Variants in LIFR observed in about 807,000 individuals in gnomAD.
The protein encoded by LIFR is leukemia inhibitory factor receptor.
Under a neutral mutation model 122.2 loss-of-function variants are expected in LIFR, and 84 were observed. The observed-to-expected ratio is 0.69, with a 90% CI of 0.58 to 0.82. LIFR has a LOEUF of 0.82. Ranked by LOEUF, LIFR falls within the 40% of genes least tolerant of loss-of-function variation. The pLI is 0.00. For synonymous variants in LIFR, 422 were observed against 434.7 expected (o/e 0.97, Z 0.36); for missense variants, 1,294 against 1,311.6 (o/e 0.99, Z 0.21).
At chr5:38,510,375 T>C (rs1293439888) in intron 7 of LIFR, 89 bp downstream of exon 7, 2 of 1,178,384 alleles carry the variant, frequency 1.7e-6, no homozygotes, top group African/African-American at 1.7e-5. Flanking sequence ...GAATCACTCC[T>C]CCCACCCCCC....
At chr5:38,589,411 A>C (rs1356286425) in intron 1 of LIFR, among the ~76,000 whole-genome samples, 1 of 152,182 alleles carries the variant, frequency 6.6e-6, no homozygotes, top group Non-Finnish European at 1.5e-5. Flanking sequence ...ATGTTCCTTA[A>C]CTATTAAAAA....
intron 12 of LIFR, among the ~76,000 whole-genome samples, chr5:38,497,688 A>T (rs1394007957): frequency 6.6e-6 from 1 of 152,098 alleles, no homozygotes; most frequent in Non-Finnish European, 1.5e-5. Flanking sequence ...TATTTCTTTC[A>T]AGTTGTTTTT....
At position 38,528,826 on chromosome 5, in the gene LIFR, A is replaced by T. The variant is rs754058233; in HGVS notation, c.157T>A (p.Leu53Met). 2 of 1,558,086 alleles carry T rather than the reference A, an allele frequency of 1.3e-6. No individual in the cohort carries two copies. Among genetic ancestry groups the T allele is most frequent in the Non-Finnish European group, 1.7e-6 (2 of 1,146,694 alleles). The change falls in exon 3 of 20, where the codon TTG becomes ATG. Residue 53 changes from leucine to methionine, a missense_variant. Physicochemically the swap from Leu to Met is conservative, Grantham distance 15 (BLOSUM62 2). Transcript: ENST00000453190. ...TGCAAATTGTTAGTTACACACTTCAAATCATGAGGAGCCCCTGGAGGAGAC... is the reference window on the plus strand; with the variant it reads ...TGCAAATTGTTAGTTACACACTTCATATCATGAGGAGCCCCTGGAGGAGAC... The part of the protein sequence containing the change: ...NSQKKGAPHD[L>M]KCVTNNLQVW...
At chr5:38,603,147 G>A (rs1750255543) in intron 2 of LIFR, among the ~76,000 whole-genome samples, 1 of 152,192 alleles carries the variant, frequency 6.6e-6, no homozygotes, top group Admixed American at 6.5e-5. Flanking sequence ...CACTGCACTT[G>A]TTCTCCAAGG....
chr5:38,516,817 T>G (rs1746108043), intron 5 of LIFR, among the ~76,000 whole-genome samples: 1 of 152,008 alleles, frequency 6.6e-6, no homozygotes, highest in African/African-American at 2.4e-5. Context: ...CAAACACCCA[T>G]CAATGATAGA....
At chr5:38,488,101 T>C (rs1580007307) in intron 16 of LIFR, among the ~76,000 whole-genome samples, 2 of 152,248 alleles carry the variant, frequency 1.3e-5, no homozygotes, top group Non-Finnish European at 1.5e-5. Context: ...GAAATCCAGA[T>C]GCTAGAATTT....
intron 1 of LIFR, among the ~76,000 whole-genome samples, chr5:38,570,994 C>A (rs1749191269): frequency 6.6e-6 from 1 of 152,274 alleles, no homozygotes; most frequent in Admixed American, 6.5e-5. Context: ...ATGTACGAAG[C>A]ACTGAACTAA....
At chr5:38,539,898 T>C (rs973654260) in intron 1 of LIFR, among the ~76,000 whole-genome samples, 4 of 152,186 alleles carry the variant, frequency 2.6e-5, no homozygotes, top group Non-Finnish European at 5.9e-5. Context: ...CAATGAAAAA[T>C]TGGATTTAAT....
chr5:38,482,712 T>C (rs779586741), intron 18 of LIFR, 45 bp from the exon 19 acceptor site: 25 of 784,318 alleles, frequency 3.2e-5, no homozygotes, highest in Non-Finnish European at 4.7e-5. Context: ...GTTTTAAGAT[T>C]ATTAGATAAT....
In LIFR at chr5:38,510,496, T is replaced by C. The variant is rs1745738583; in HGVS notation, c.959A>G (p.Asp320Gly). The C allele has an allele frequency of 1.9e-6, 3 of 1,613,744 alleles. No individual in the cohort carries two copies. The highest frequency in any genetic ancestry group is 2.2e-5 in the East Asian group (1 of 44,852). Reference sequence around the variant, plus strand: ...AAAAATAACGGTTCCAAATATGTTATCTTCGGTTGTAAAAACTACATTTGT... The same window carrying C: ...AAAAATAACGGTTCCAAATATGTTACCTTCGGTTGTAAAAACTACATTTGT... ...SGTNVVFTTE[D>G]NIFGTVIFAG... is the part of the protein sequence containing the mutation. The change falls in exon 7 of 20, where the codon GAT (aspartate) becomes GGT (glycine). Residue 320 changes from aspartate (D) to glycine (G), a missense_variant. By Grantham distance (94) the Asp-to-Gly change is moderately conservative (BLOSUM62 -1). Transcript: ENST00000453190.
chr5:38,558,327 T>C (rs981320235), upstream of LIFR: 2 of 152,104 alleles, frequency 1.3e-5, no homozygotes, highest in African/African-American at 2.4e-5. Flanking sequence ...AAGAATTTAG[T>C]TTTAAGAATA....
chr5:38,542,296 T>A (rs1747635027), intron 1 of LIFR, among the ~76,000 whole-genome samples: 1 of 152,206 alleles, frequency 6.6e-6, no homozygotes, highest in African/African-American at 2.4e-5. Context: ...TTGAGAGCTT[T>A]AAATAACAAA....
intron 1 of LIFR, among the ~76,000 whole-genome samples, chr5:38,552,317 T>C (rs1287959342): frequency 6.6e-6 from 1 of 152,222 alleles, no homozygotes; most frequent in Non-Finnish European, 1.5e-5. Context: ...TAACAATTGC[T>C]TGGCATAAAA....
intron 2 of LIFR, among the ~76,000 whole-genome samples, chr5:38,605,503 T>C (rs752477108): frequency 6.6e-6 from 1 of 152,190 alleles, no homozygotes; most frequent in Non-Finnish European, 1.5e-5. Context: ...ATGTAGAATT[T>C]AGAAGCAAGT....
chr5:38,514,932 G>T (rs1453764200), intron 5 of LIFR, among the ~76,000 whole-genome samples: 1 of 152,134 alleles, frequency 6.6e-6, no homozygotes, highest in Non-Finnish European at 1.5e-5. Context: ...GGTATCTAAG[G>T]GAGGTCCTGG....
rs138749610 is a variant in LIFR, at chr5:38,524,974, T to C, written c.398-1392A>G. Among the ~76,000 whole-genome samples the C allele has an allele frequency of 4.7e-3, 709 of 152,364 alleles. 2 individuals are homozygous for C. The highest frequency in any genetic ancestry group is 8.1e-3 in the Admixed American group (124 of 15,308). Reference sequence around the variant, plus strand: ...ACTGTGGAAAAACCACTGGCGAGGCTACTGTTAATATCTGAGAAAGAAGTT... The same window carrying C: ...ACTGTGGAAAAACCACTGGCGAGGCCACTGTTAATATCTGAGAAAGAAGTT... On this transcript the variant is annotated intron_variant, in intron 4 of 19. Transcript: ENST00000453190.
chr5:38,492,293 T>A (rs1744636037), intron 14 of LIFR, among the ~76,000 whole-genome samples: 1 of 152,188 alleles, frequency 6.6e-6, no homozygotes, highest in Admixed American at 6.5e-5. Context: ...CCCACAATCA[T>A]CGCGGGGCAG....
Position 38,478,495 on chromosome 5 carries a change from T to C in LIFR, c.*3100A>G. On this transcript the variant is annotated 3_prime_UTR_variant, in exon 20 of 20. Transcript: ENST00000453190. The stretch of plus-strand genomic sequence containing the variant: ...ATCTCAAATCTAGGGCTGTATAAAT[T>C]CAACAAATTGATGACCTAGATTGCA... 1 of 208,448 alleles carries C rather than the reference T, an allele frequency of 4.8e-6. No homozygotes were observed. Among genetic ancestry groups the C allele is most frequent in the South Asian group, 1.9e-4 (1 of 5,302 alleles). The allele number at this position is 208,448 out of a possible 1,614,324, so 12.9% of individuals were successfully genotyped here.
At chr5:38,549,944 T>A (rs534122631) in intron 1 of LIFR, among the ~76,000 whole-genome samples, 1 of 152,206 alleles carries the variant, frequency 6.6e-6, no homozygotes, top group East Asian at 1.9e-4. Context: ...TCCCAGTAAG[T>A]AGGCTTCTTA....
Sources: gnomAD v4.1 joint callset for allele counts (sites outside exome capture counted in the v4.1 genomes callset) on GRCh38, gnomAD v4.1.1 for gene constraint, MANE v1.5 for transcripts, NCBI Gene and HGNC (gene_info 2026-07-23, HGNC 2026-07-21) for gene names.